CFAP46: variants seen among roughly 807,000 people sequenced by gnomAD.
CFAP46 encodes cilia and flagella associated protein 46.
CFAP46 carries 245 observed loss-of-function variants against 325.7 expected under a neutral mutation model. That is an observed-to-expected ratio of 0.75 (90% CI 0.68 to 0.84). CFAP46 has a LOEUF of 0.84. Ranked by LOEUF, CFAP46 falls within the 40% of genes least tolerant of loss-of-function variation. The pLI is 0.00. For synonymous variants in CFAP46, 1,523 were observed against 1,495.9 expected (o/e 1.02, Z -0.42); for missense variants, 3,346 against 3,543.0 (o/e 0.94, Z 1.41).
rs1183884056 is a variant in CFAP46 at position 132,920,063 on chromosome 10, CCTT to C, written c.1723_1725del (p.Lys575del). The C allele has an allele frequency of 1.3e-6, 2 of 1,543,950 alleles. No individual in the cohort carries two copies. The highest frequency in any genetic ancestry group is 2.0e-5 in the Admixed American group (1 of 49,814). On this transcript the variant is annotated inframe_deletion, in exon 14 of 58. Transcript: ENST00000368586. ...TCTGGCCTTTTCCTCACTCACCTCT[CCTT>C]GTCGTTTTCGTTGCCCAGGCGCCGC... is the stretch of plus-strand genomic sequence containing the variant.
At chr10:132,849,506 G>A (rs976849358) in intron 41 of CFAP46, among the ~76,000 whole-genome samples, 2 of 152,200 alleles carry the variant, frequency 1.3e-5, no homozygotes, top group East Asian at 1.9e-4. Context: ...GGTGCCTTCC[G>A]GGGGAGGAGC....
rs191630885 is a variant in CFAP46, at chr10:132,851,786, C to T, written c.5575-481G>A. 1.6e-3 allele frequency among the ~76,000 whole-genome samples: 249 copies of T among 152,344 alleles called. 1 individual carries two copies. The highest frequency in any genetic ancestry group is 5.7e-3 in the African/African-American group (238 of 41,562). ...TTTATTTCCAGTTCTGGGGCTACTA[C>T]CAATAAAGCTGCTGCCAACATTCAT... On this transcript the variant is annotated intron_variant, in intron 39 of 57. Coordinates refer to ENST00000368586, the MANE Select transcript of CFAP46 (RefSeq NM_001200049.3).
At chr10:132,829,755 CTTT>C (rs1327675909) in intron 50 of CFAP46, among the ~76,000 whole-genome samples, 1 of 152,220 alleles carries the variant, frequency 6.6e-6, no homozygotes, top group Non-Finnish European at 1.5e-5. Context: ...TTGTCAAATG[CTTT>C]TCTGCATCTA....
rs377533781 is a variant in CFAP46, at chr10:132,915,786, G to A, written c.2120+763C>T. On this transcript the variant is annotated intron_variant, in intron 17 of 57. Coordinates refer to ENST00000368586, the MANE Select transcript of CFAP46 (RefSeq NM_001200049.3). ...TAGTTTACAGGGATGCTGGAAGGGG[G>A]ACATCGAACATTCCCAACATGGAGA... Among the ~76,000 whole-genome samples, 46 of 152,342 alleles carry A rather than the reference G, an allele frequency of 3.0e-4. No homozygotes were observed. In the South Asian group the frequency reaches 9.3e-3, roughly 31 times the overall value.
intron 24 of CFAP46, among the ~76,000 whole-genome samples, chr10:132,893,716 G>A (rs1008519056): frequency 2.6e-5 from 4 of 152,162 alleles, no homozygotes; most frequent in African/African-American, 9.7e-5. Flanking sequence ...CAGGTCTCCC[G>A]CTCGGCCTCT....
At chr10:132,899,359 G>A (rs898424890) in intron 23 of CFAP46, among the ~76,000 whole-genome samples, 176 bp downstream of exon 23, 1 of 152,212 alleles carries the variant, frequency 6.6e-6, no homozygotes, top group Non-Finnish European at 1.5e-5. Flanking sequence ...AAGGGCAAGA[G>A]GGGGCCGCTG....
At chr10:132,938,545 C>T (rs778073959) in intron 5 of CFAP46, 44 bp downstream of exon 5, 15 of 1,590,514 alleles carry the variant, frequency 9.4e-6, no homozygotes, top group African/African-American at 4.0e-5. Context: ...AGCCAGAGGG[C>T]GGCCCACCGG....
rs1850067092 is a variant in CFAP46, at chr10:132,939,661, A to G, written c.372-908T>C. Among the ~76,000 whole-genome samples the G allele has an allele frequency of 6.6e-6, 1 of 152,124 alleles. No homozygotes were observed. The highest frequency in any genetic ancestry group is 1.5e-5 in the Non-Finnish European group (1 of 68,000). Reference sequence around the variant, plus strand: ...CCTGTTTCCAGGTTTTCAGGAGAGGAGCGGAGGTGCGGGGTGTCCTGACCA... The same window carrying G: ...CCTGTTTCCAGGTTTTCAGGAGAGGGGCGGAGGTGCGGGGTGTCCTGACCA... On this transcript the variant is annotated intron_variant, in intron 4 of 57. Coordinates refer to ENST00000368586, the MANE Select transcript of CFAP46 (RefSeq NM_001200049.3). The surrounding 1 kb of genome is among the most constrained non-coding windows in gnomAD (Gnocchi z 4.6).
At chr10:132,822,383 G>C (rs1847877971) in intron 50 of CFAP46, among the ~76,000 whole-genome samples, 1 of 142,788 alleles carries the variant, frequency 7.0e-6, no homozygotes. Flanking sequence ...CTGTGTGTGT[G>C]CTGATGTGTG....
chr10:132,886,334 C>T lies in CFAP46; in HGVS notation c.3305-375G>A, dbSNP rs1173370264. On this transcript the variant is annotated intron_variant, in intron 25 of 57. Coordinates refer to ENST00000368586, the MANE Select transcript of CFAP46 (RefSeq NM_001200049.3). This position sits in a 1 kb window ranked among gnomAD's most constrained non-coding sequence, Gnocchi z 5.8. Reference sequence around the variant, plus strand: ...AGTTGCATGGAAAGCTCCCCCGCGGCCGAGGACACAGCGCCACGTGCACGC... The same window carrying T: ...AGTTGCATGGAAAGCTCCCCCGCGGTCGAGGACACAGCGCCACGTGCACGC... 6.6e-6 allele frequency among the ~76,000 whole-genome samples: 1 copy of T among 152,220 alleles called. No homozygotes were observed. The highest frequency in any genetic ancestry group is 1.5e-5 in the Non-Finnish European group (1 of 68,034).
intron 41 of CFAP46, among the ~76,000 whole-genome samples, chr10:132,849,868 AG>A (rs1848505679): frequency 6.6e-6 from 1 of 152,188 alleles, no homozygotes; most frequent in South Asian, 2.1e-4. Flanking sequence ...TGAGCTCCCC[AG>A]GTCCCTGTGC....
At chr10:132,848,137 G>T (rs1433417413) in intron 41 of CFAP46, among the ~76,000 whole-genome samples, 1 of 152,110 alleles carries the variant, frequency 6.6e-6, no homozygotes, top group Non-Finnish European at 1.5e-5. Context: ...GAGACCACTC[G>T]GTGTGTTTTC....
At position 132,857,878 on chromosome 10, in the gene CFAP46, A is replaced by G. The variant is rs1848666666; in HGVS notation, c.5376-90T>C. 4.5e-6 allele frequency: 5 copies of G among 1,121,876 alleles called. No individual in the cohort carries two copies. The South Asian group carries it at 5.1e-5, about 11-fold the overall frequency. 69.5% of individuals were successfully genotyped at this position (1,121,876 alleles called of 1,614,324 possible). On this transcript the variant is annotated intron_variant, in intron 38 of 57. Transcript: ENST00000368586. ...CATTTTCTATCATACTGTATATTTT[A>G]TTAGTGCTTAAAATGATGTTTTAAA...
chr10:132,820,327 T>C (rs1436317365), intron 50 of CFAP46, among the ~76,000 whole-genome samples: 1 of 150,742 alleles, frequency 6.6e-6, no homozygotes, highest in Non-Finnish European at 1.5e-5. Context: ...GCAGAGTGAG[T>C]GGTGGCTGAC....
At chr10:132,887,249 CCT>C (rs1160520830) in intron 25 of CFAP46, among the ~76,000 whole-genome samples, 3 of 118,494 alleles carry the variant, frequency 2.5e-5, no homozygotes, top group Admixed American at 7.8e-5. Flanking sequence ...TCTTCTCTCT[CCT>C]CTCTCGCTTC....
Position 132,866,036 on chromosome 10 carries a change from G to C in CFAP46, c.4879C>G (p.Leu1627Val). ...PARLLLSEAY[L>V]AFQELDEPCA... is the part of the protein sequence containing the mutation. ...GAGGGGCTCCTCACCTGGAAAGCCA[G>C]GTAAGCCTCCGACAGGAGCAGCCGT... The change falls in exon 35 of 58, where the codon CTG (leucine) becomes GTG (valine). Residue 1627 changes from leucine (L) to valine (V), a missense_variant. Transcript: ENST00000368586. The C allele has an allele frequency of 6.6e-7, 1 of 1,513,754 alleles. No homozygotes were observed. The highest frequency in any genetic ancestry group is 2.5e-5 in the East Asian group (1 of 39,558). The allele number at this position is 1,513,754 out of a possible 1,614,324, so 93.8% of individuals were successfully genotyped here.
At chr10:132,823,192 ATGT>A (rs1847926305) in intron 50 of CFAP46, among the ~76,000 whole-genome samples, 1 of 79,046 alleles carries the variant, frequency 1.3e-5, no homozygotes, top group Non-Finnish European at 2.4e-5. Flanking sequence ...CTGTGTGCTG[ATGT>A]GTGCTGTGTG....
chr10:132,862,592 C>G (rs939669437), intron 35 of CFAP46, among the ~76,000 whole-genome samples: 2 of 151,872 alleles, frequency 1.3e-5, no homozygotes, highest in Non-Finnish European at 2.9e-5. Flanking sequence ...CCTCTGAGGT[C>G]GGCGGGGGTC....
chr10:132,837,830 C>A (rs1348694953), intron 44 of CFAP46, among the ~76,000 whole-genome samples: 1 of 151,314 alleles, frequency 6.6e-6, no homozygotes, highest in Non-Finnish European at 1.5e-5. Context: ...TGCACACACA[C>A]AGACATGCAC....
Sources: allele counts gnomAD v4.1 joint callset (sites outside exome capture counted in the v4.1 genomes callset), GRCh38; gene constraint gnomAD v4.1.1; non-coding constraint Gnocchi (gnomAD v3.1); transcripts MANE v1.5; gene names NCBI Gene and HGNC (gene_info 2026-07-23, HGNC 2026-07-21).